The following TBC1D1 variants were observed in gnomAD, a reference collection of about 807,000 sequenced individuals.
The protein encoded by TBC1D1 is TBC1 domain family member 1.
A neutral mutation model predicts 125.6 loss-of-function variants in TBC1D1; 89 were observed. The ratio of observed to expected loss-of-function variants is 0.71; its 90% CI spans 0.60 to 0.85. The LOEUF (loss-of-function observed/expected upper bound fraction) is 0.85. Ranked by LOEUF, TBC1D1 falls within the 40% of genes least tolerant of loss-of-function variation. TBC1D1 has a pLI of 0.00. For synonymous variants in TBC1D1, 565 were observed against 564.1 expected (o/e 1.00, Z -0.02); for missense variants, 1,377 against 1,469.2 (o/e 0.94, Z 1.03).
chr4:37,999,723 G>C (rs886415968), intron 2 of TBC1D1, among the ~76,000 whole-genome samples: 1 of 152,248 alleles, frequency 6.6e-6, no homozygotes, highest in Non-Finnish European at 1.5e-5. Flanking sequence ...CTTGCCTGCA[G>C]TGGTTGTCAG....
chr4:37,944,865 C>T (rs190900117), intron 2 of TBC1D1, among the ~76,000 whole-genome samples: 264 of 152,300 alleles, frequency 1.7e-3, no homozygotes, highest in African/African-American at 5.9e-3. Flanking sequence ...CTGACATGCC[C>T]CAGTGAGATG....
At chr4:38,099,622 G>A (rs1434054688) in intron 14 of TBC1D1, among the ~76,000 whole-genome samples, 2 of 152,146 alleles carry the variant, frequency 1.3e-5, no homozygotes, top group Non-Finnish European at 2.9e-5. Flanking sequence ...TTTAAACAGT[G>A]AGTGTATATT....
intron 7 of TBC1D1, among the ~76,000 whole-genome samples, chr4:38,030,741 AG>A (rs2152451636): frequency 6.6e-6 from 1 of 152,284 alleles, no homozygotes; most frequent in Admixed American, 6.5e-5. Context: ...TCTTTCCTGG[AG>A]GGGAATTTGT....
At chr4:38,070,274 A>G (rs1346675517) in intron 12 of TBC1D1, among the ~76,000 whole-genome samples, 1 of 152,236 alleles carries the variant, frequency 6.6e-6, no homozygotes, top group Non-Finnish European at 1.5e-5. Flanking sequence ...TAGGATCAAC[A>G]TTTGATTAAT....
At chr4:38,087,190 G>A (rs1037208268) in intron 12 of TBC1D1, among the ~76,000 whole-genome samples, 1 of 152,328 alleles carries the variant, frequency 6.6e-6, no homozygotes, top group Admixed American at 6.5e-5. Context: ...TAGGGAGACA[G>A]CTTAGGTCTT....
At chr4:38,125,876 T>C (rs1433145898) in intron 18 of TBC1D1, among the ~76,000 whole-genome samples, 1 of 152,192 alleles carries the variant, frequency 6.6e-6, no homozygotes, top group Admixed American at 6.5e-5. Context: ...TGGAAGTGTC[T>C]AGAGGCTGGG....
intron 2 of TBC1D1, chr4:38,006,699 T>C (rs1387577432): frequency 3.2e-6 from 1 of 312,044 alleles, no homozygotes; most frequent in Non-Finnish European, 6.2e-6. Context: ...CAGGATGGGC[T>C]CAATCTCCTG....
chr4:38,044,541 T>A, intron 9 of TBC1D1, 51 bp downstream of exon 9: 2 of 1,553,120 alleles, frequency 1.3e-6, no homozygotes, highest in Non-Finnish European at 1.7e-6. Context: ...TTTAGGAGAG[T>A]GTAAGATTGA....
At chr4:37,966,477 C>A (rs1731087093) in intron 2 of TBC1D1, among the ~76,000 whole-genome samples, 1 of 152,172 alleles carries the variant, frequency 6.6e-6, no homozygotes, top group Admixed American at 6.5e-5. Context: ...TAAACTATTT[C>A]CTTCTTATAT....
chr4:38,110,127 C>A, intron 15 of TBC1D1: 1 of 871,740 alleles, frequency 1.1e-6, no homozygotes, highest in Non-Finnish European at 1.4e-6. Flanking sequence ...CTTGTAGCAG[C>A]TGCCACATGG....
intron 14 of TBC1D1, among the ~76,000 whole-genome samples, chr4:38,100,446 T>C (rs1760105087): frequency 6.6e-6 from 1 of 152,238 alleles, no homozygotes; most frequent in South Asian, 2.1e-4. Context: ...TCTGTATGTC[T>C]ATTATAAGAA....
At position 38,010,437 on chromosome 4, in the gene TBC1D1, C is replaced by G. The variant is rs564262229; in HGVS notation, c.418-4072C>G. Among the ~76,000 whole-genome samples, 331 of 152,284 alleles carry G rather than the reference C, an allele frequency of 2.2e-3. 1 individual carries two copies. The highest frequency in any genetic ancestry group is 4.4e-3 in the Non-Finnish European group (302 of 68,022). On this transcript the variant is annotated intron_variant, in intron 2 of 19. Transcript: ENST00000261439. ...TTGGCACTCCCTTCCTTTACTTTCC[C>G]TCCCGGATGTGAGCTGCTCATGTCC... is the stretch of plus-strand genomic sequence containing the variant.
intron 7 of TBC1D1, among the ~76,000 whole-genome samples, chr4:38,034,710 C>T (rs115054762): frequency 0.013 from 1,928 of 152,248 alleles, 37 homozygotes; most frequent in African/African-American, 0.044. Flanking sequence ...AGGGGAGGAA[C>T]AGGCAATGGA....
At chr4:37,921,395 T>C (rs1226307534) in intron 2 of TBC1D1, among the ~76,000 whole-genome samples, 3 of 146,656 alleles carry the variant, frequency 2.0e-5, no homozygotes, top group Non-Finnish European at 4.5e-5. Context: ...TACATATATA[T>C]ACAAAATACA....
chr4:38,086,368 C>T (rs913921491), intron 12 of TBC1D1, among the ~76,000 whole-genome samples: 4 of 152,244 alleles, frequency 2.6e-5, no homozygotes, highest in Non-Finnish European at 5.9e-5. Context: ...CTACTATGCC[C>T]TCTGCTAAAC....
intron 18 of TBC1D1, among the ~76,000 whole-genome samples, chr4:38,131,508 G>GC (rs1210907966): frequency 1.3e-5 from 2 of 152,172 alleles, no homozygotes; most frequent in Non-Finnish European, 2.9e-5. Context: ...AGCTAAGAGA[G>GC]CGCCTGCTCA....
At chr4:38,048,275 A>G (rs1214920288) in intron 10 of TBC1D1, among the ~76,000 whole-genome samples, 7 of 152,208 alleles carry the variant, frequency 4.6e-5, no homozygotes, top group Admixed American at 4.6e-4. Context: ...TTGTCCAATT[A>G]AGCTAAGGGT....
rs540939989 is a variant in TBC1D1, at chr4:37,991,284, T to C, written c.418-23225T>C. On this transcript the variant is annotated intron_variant, in intron 2 of 19. Transcript: ENST00000261439. ...TTGTCCTTCTCAAAAACATCATTTT[T>C]ATTCTGGGTGCCAGAGATTTGGCTT... Among the ~76,000 whole-genome samples, 45 of 152,384 alleles carry C rather than the reference T, an allele frequency of 3.0e-4. 2 individuals carry two copies. The South Asian group carries it at 9.3e-3, about 32-fold the overall frequency.
Position 37,902,287 on chromosome 4 carries a change from C to G in TBC1D1, c.192C>G (p.Val64=). 6.2e-7 allele frequency: 1 copy of G among 1,614,036 alleles called. No individual in the cohort carries two copies. The highest frequency in any genetic ancestry group is 8.5e-7 in the Non-Finnish European group (1 of 1,180,014). Residue 64 remains valine, a synonymous_variant, in exon 2 of 20, where the codon GTC becomes GTG. Transcript: ENST00000261439. ...GAAAGGAACCTGTAACCAAGCAAGT[C>G]CGGCTTTGCGTTTCACCCTCTGGAC...
Sources: allele counts gnomAD v4.1 joint callset (sites outside exome capture counted in the v4.1 genomes callset), GRCh38; gene constraint gnomAD v4.1.1; transcripts MANE v1.5; gene names NCBI Gene and HGNC (gene_info 2026-07-23, HGNC 2026-07-21).